Variants in XCR1 observed in about 807,000 individuals in gnomAD.
XCR1 encodes X-C motif chemokine receptor 1.
For missense variants in XCR1, 356 were observed against 424.2 expected (o/e 0.84, Z 1.41); for synonymous variants, 187 against 188.5 (o/e 0.99, Z 0.06).
Position 46,020,881 on chromosome 3 carries a change from C to A in XCR1, c.*65G>T, listed in dbSNP as rs1469318716. 25 of 1,552,176 alleles carry A rather than the reference C, an allele frequency of 1.6e-5. No homozygotes were observed. The highest frequency in any genetic ancestry group is 2.1e-5 in the Non-Finnish European group (24 of 1,152,218). On this transcript the variant is annotated 3_prime_UTR_variant, in exon 2 of 2. Transcript: ENST00000309285. ...TTCTGCAATGCTCCTTCCAGGCCCG[C>A]TTCTCCATGACCCCCATTCCAGTCC...
chr3:46,031,937 C>T (rs1708402188), upstream of XCR1, among the ~76,000 whole-genome samples: 1 of 152,188 alleles, frequency 6.6e-6, no homozygotes, highest in Non-Finnish European at 1.5e-5. Context: ...CTTCCCACTC[C>T]AGCATCTCCT....
At position 46,018,113 on chromosome 3, in the gene XCR1, G is replaced by T. The variant is rs1180576833; in HGVS notation, c.*2833C>A. 1 of 152,202 alleles carries T rather than the reference G, an allele frequency of 6.6e-6. No individual in the cohort carries two copies. Among genetic ancestry groups the T allele is most frequent in the Admixed American group, 6.5e-5 (1 of 15,282 alleles). 9.4% of individuals were successfully genotyped at this position (152,202 alleles called of 1,614,324 possible). ...AAGACTCCTGATTAAAGACTGCCTTGGGAGCCAGTCTATTAGGGATGCCAA... is the reference window on the plus strand; with the variant it reads ...AAGACTCCTGATTAAAGACTGCCTTTGGAGCCAGTCTATTAGGGATGCCAA... On this transcript the variant is annotated 3_prime_UTR_variant, in exon 2 of 2. Coordinates refer to ENST00000309285, the MANE Select transcript of XCR1 (RefSeq NM_001024644.2).
At position 46,024,068 on chromosome 3, in the gene XCR1, C is replaced by T. The variant is rs566111497; in HGVS notation, c.-31-2090G>A. On this transcript the variant is annotated intron_variant, in intron 1 of 1. Coordinates refer to ENST00000309285, the MANE Select transcript of XCR1 (RefSeq NM_001024644.2). ...GGGAAAGCCAAGGACATTCCAATCCCCAGTCTTCCTCCCTTGGATTTTACA... is the reference window on the plus strand; with the variant it reads ...GGGAAAGCCAAGGACATTCCAATCCTCAGTCTTCCTCCCTTGGATTTTACA... The T allele has an allele frequency of 4.8e-4, 459 of 961,662 alleles. 2 individuals are homozygous for T. In the African/African-American group the frequency reaches 7.0e-3, roughly 15 times the overall value. The allele number at this position is 961,662 out of a possible 1,614,324, so 59.6% of individuals were successfully genotyped here.
In XCR1 at chr3:46,022,128, CT is replaced by C. The variant is rs201096298; in HGVS notation, c.-31-151del. ...CATCCCAGGCAATATAGTGACACCC[CT>C]GTCTCTACAAAAAATTTAAAAATTA... On this transcript the variant is annotated intron_variant, in intron 1 of 1. Transcript: ENST00000309285. 2.1e-3 allele frequency: 1,326 copies of C among 644,090 alleles called. 24 individuals carry two copies. The East Asian group carries it at 0.03, about 14-fold the overall frequency. 39.9% of individuals were successfully genotyped at this position (644,090 alleles called of 1,614,324 possible).
chr3:46,075,785 G>A (rs1698248522), intron 2 of XCR1, among the ~76,000 whole-genome samples: 1 of 152,094 alleles, frequency 6.6e-6, no homozygotes, highest in Admixed American at 6.5e-5. Flanking sequence ...TGGCAAATGA[G>A]CACATGAAAA....
intron 4 of XCR1, among the ~76,000 whole-genome samples, chr3:46,064,674 TGGTGAGGCCACATGCA>T (rs1559492571): frequency 6.6e-6 from 1 of 152,236 alleles, no homozygotes; most frequent in Admixed American, 6.5e-5. Flanking sequence ...GCCACCATGC[TGGTGAGGCCACATGCA>T]GGAATGGTAG....
chr3:46,050,765 G>T (rs560931256), intron 5 of XCR1, among the ~76,000 whole-genome samples: 5 of 152,102 alleles, frequency 3.3e-5, no homozygotes, highest in Non-Finnish European at 5.9e-5. Flanking sequence ...TGTAAGGAGG[G>T]TATAGTAAAG....
At chr3:46,063,805 T>C (rs1467223596) in intron 4 of XCR1, among the ~76,000 whole-genome samples, 1 of 152,206 alleles carries the variant, frequency 6.6e-6, no homozygotes, top group Non-Finnish European at 1.5e-5. Context: ...GTAATCCTCT[T>C]TGTTGATTGT....
chr3:46,025,361 G>A (rs778970753), intron 1 of XCR1, among the ~76,000 whole-genome samples: 5 of 152,034 alleles, frequency 3.3e-5, no homozygotes, highest in South Asian at 2.1e-4. Flanking sequence ...CTATAATGGC[G>A]CCACTGCATT....
chr3:46,054,848 G>C (rs1697823500), intron 4 of XCR1, among the ~76,000 whole-genome samples: 1 of 152,200 alleles, frequency 6.6e-6, no homozygotes, highest in African/African-American at 2.4e-5. Flanking sequence ...TCATTGGTTT[G>C]TGCTGGGAAG....
At chr3:46,077,471 T>A (rs1698282206) in intron 1 of XCR1, among the ~76,000 whole-genome samples, 1 of 151,980 alleles carries the variant, frequency 6.6e-6, no homozygotes, top group Non-Finnish European at 1.5e-5. Flanking sequence ...TCTTACTGAT[T>A]CTACATTATG....
At chr3:46,026,216 A>G (rs1381595372) in intron 1 of XCR1, among the ~76,000 whole-genome samples, 2 of 152,194 alleles carry the variant, frequency 1.3e-5, no homozygotes, top group African/African-American at 2.4e-5. Flanking sequence ...TAATTCATTT[A>G]CTCAAAAATT....
At chr3:46,035,441 C>T (rs1697408955) in intron 5 of XCR1, among the ~76,000 whole-genome samples, 1 of 152,184 alleles carries the variant, frequency 6.6e-6, no homozygotes, top group Non-Finnish European at 1.5e-5. Context: ...GCAACGGGAC[C>T]TAGACGAAAC....
At position 46,019,502 on chromosome 3, in the gene XCR1, T is replaced by A. The variant is rs1708101977; in HGVS notation, c.*1444A>T. The stretch of plus-strand genomic sequence containing the variant: ...CACGACAACCCAGAGAATGTTCTAA[T>A]TTGCAGATTAGGGAGGGCTTCCTGG... On this transcript the variant is annotated 3_prime_UTR_variant, in exon 2 of 2. Transcript: ENST00000309285. The A allele has an allele frequency of 6.6e-6, 1 of 152,184 alleles. No individual in the cohort carries two copies. The highest frequency in any genetic ancestry group is 2.4e-5 in the African/African-American group (1 of 41,446). The allele number at this position is 152,184 out of a possible 1,614,324, so 9.4% of individuals were successfully genotyped here.
At chr3:46,036,454 A>G (rs1697432671) in intron 5 of XCR1, among the ~76,000 whole-genome samples, 1 of 152,232 alleles carries the variant, frequency 6.6e-6, no homozygotes. Context: ...TTATTATGCT[A>G]TGTCTTTTTG....
chr3:46,023,896 A>G (rs1344177930), intron 1 of XCR1: 3 of 1,507,960 alleles, frequency 2.0e-6, no homozygotes, highest in Non-Finnish European at 2.8e-6. Flanking sequence ...CTAAAGGCTG[A>G]AAAGGCCAGA....
Position 46,017,240 on chromosome 3 carries a change from G to A in XCR1, c.*3706C>T, listed in dbSNP as rs1489295614. ...CAGTGGGAAAGAGCTTGGATTTGGA[G>A]TTTAGGTCCAGGGCTCAAATGTCAT... is the stretch of plus-strand genomic sequence containing the variant. On this transcript the variant is annotated 3_prime_UTR_variant, in exon 2 of 2. Transcript: ENST00000309285. 1 of 152,186 alleles carries A rather than the reference G, an allele frequency of 6.6e-6. No homozygotes were observed. Among genetic ancestry groups the A allele is most frequent in the Non-Finnish European group, 1.5e-5 (1 of 68,032 alleles). The allele number at this position is 152,186 out of a possible 1,614,324, so 9.4% of individuals were successfully genotyped here.
chr3:46,039,003 C>T (rs1183892434), intron 5 of XCR1, among the ~76,000 whole-genome samples: 1 of 151,786 alleles, frequency 6.6e-6, no homozygotes, highest in Non-Finnish European at 1.5e-5. Context: ...GTGAGACTTT[C>T]CAGTTATCTT....
intron 5 of XCR1, among the ~76,000 whole-genome samples, chr3:46,047,468 C>T (rs952535498): frequency 2.6e-5 from 4 of 152,214 alleles, no homozygotes; most frequent in Non-Finnish European, 1.5e-5. Flanking sequence ...GGAGCTGGTC[C>T]TTCTTAGCTG....
Sources: allele counts gnomAD v4.1 joint callset (sites outside exome capture counted in the v4.1 genomes callset), GRCh38; gene constraint gnomAD v4.1.1; transcripts MANE v1.5; gene names NCBI Gene and HGNC (gene_info 2026-07-23, HGNC 2026-07-21).